Variants in PTPRN2 observed in about 807,000 individuals in gnomAD.
PTPRN2 encodes receptor-type tyrosine-protein phosphatase N2.
A neutral mutation model predicts 118.8 loss-of-function variants in PTPRN2; 74 were observed. The observed-to-expected ratio is 0.62, with a 90% confidence interval of 0.52 to 0.76. The LOEUF (loss-of-function observed/expected upper bound fraction) is 0.76, where lower values mean the gene tolerates loss of function less well. PTPRN2 is among the 30% of genes least tolerant of loss of function. The pLI, the probability that PTPRN2 is intolerant of heterozygous loss-of-function variation, is 0.00. For synonymous variants in PTPRN2, 641 were observed against 608.0 expected (o/e 1.05, Z -0.80); for missense variants, 1,481 against 1,394.4 (o/e 1.06, Z -0.99).
chr7:157,968,826 C>T (rs754468059), intron 11 of PTPRN2, among the ~76,000 whole-genome samples: 32 of 152,100 alleles, frequency 2.1e-4, no homozygotes, highest in Non-Finnish European at 4.3e-4. Flanking sequence ...AGAAAAAAAT[C>T]CCGTTGATCC....
At chr7:157,544,625 C>T (rs776633336) in intron 22 of PTPRN2, among the ~76,000 whole-genome samples, 10 of 152,200 alleles carry the variant, frequency 6.6e-5, no homozygotes, top group Non-Finnish European at 1.5e-4. Context: ...GGCTCTACTT[C>T]TGGAACTGAC....
chr7:158,032,604 C>A (rs1339734182), intron 11 of PTPRN2, among the ~76,000 whole-genome samples: 1 of 152,102 alleles, frequency 6.6e-6, no homozygotes, highest in African/African-American at 2.4e-5. Flanking sequence ...AGAATCTCAA[C>A]TGGGTCAATT....
At chr7:158,387,414 G>A (rs1811491257) in intron 2 of PTPRN2, among the ~76,000 whole-genome samples, 1 of 152,282 alleles carries the variant, frequency 6.6e-6, no homozygotes, top group African/African-American at 2.4e-5. Flanking sequence ...AGGCTCCAGA[G>A]AGCTGGAAGG....
intron 4 of PTPRN2, 66 bp downstream of exon 4, chr7:158,205,101 CAAAT>C (rs1338282888): frequency 5.5e-6 from 7 of 1,280,380 alleles, no homozygotes; most frequent in South Asian, 3.7e-5. Flanking sequence ...AACAAACAAA[CAAAT>C]AATAAGTGTA....
intron 11 of PTPRN2, among the ~76,000 whole-genome samples, chr7:157,927,839 A>G (rs1799115444): frequency 6.6e-6 from 1 of 151,948 alleles, no homozygotes; most frequent in Non-Finnish European, 1.5e-5. Flanking sequence ...GCAGACTGGG[A>G]TGTTTACGAG....
intron 1 of PTPRN2, among the ~76,000 whole-genome samples, chr7:158,501,954 C>T (rs1221163738): frequency 6.6e-6 from 1 of 152,148 alleles, no homozygotes; most frequent in Non-Finnish European, 1.5e-5. Flanking sequence ...CTGCGATGTC[C>T]GAACTGCCTT....
At chr7:157,581,112 C>T (rs1299941550) in intron 17 of PTPRN2, among the ~76,000 whole-genome samples, 2 of 150,454 alleles carry the variant, frequency 1.3e-5, no homozygotes, top group Non-Finnish European at 3.0e-5. Flanking sequence ...CCTGCACACC[C>T]GAGCACCTGG....
rs1026846700 is a variant in PTPRN2, at chr7:157,617,346, G to T, written c.2344+4016C>A. On this transcript the variant is annotated intron_variant, in intron 15 of 22. Transcript: ENST00000389418. The surrounding 1 kb of genome is among the most constrained non-coding windows in gnomAD (Gnocchi z 7.5). ...GCTCACGATGCCCCAGTGATGCCGT[G>T]GTTAGGACGCCGTTCACGCAGCTGC... 1.3e-5 allele frequency: 2 copies of T among 149,668 alleles called. No individual in the cohort carries two copies. Among genetic ancestry groups the T allele is most frequent in the Non-Finnish European group, 3.0e-5 (2 of 67,578 alleles). The allele number at this position is 149,668 out of a possible 1,614,324, so 9.3% of individuals were successfully genotyped here.
At chr7:157,650,058 C>A (rs1805541450) in intron 14 of PTPRN2, among the ~76,000 whole-genome samples, 1 of 152,242 alleles carries the variant, frequency 6.6e-6, no homozygotes, top group African/African-American at 2.4e-5. Flanking sequence ...GCTCCCCAGG[C>A]CCGCAGGAGT....
At chr7:158,263,021 GCA>G (rs150740428) in intron 3 of PTPRN2, among the ~76,000 whole-genome samples, 3,483 of 139,724 alleles carry the variant, frequency 0.025, 56 homozygotes, top group Non-Finnish European at 0.036. Context: ...CACACACAGT[GCA>G]CACATACATA....
intron 1 of PTPRN2, among the ~76,000 whole-genome samples, chr7:158,507,274 G>A (rs1822817723): frequency 6.7e-6 from 1 of 149,968 alleles, no homozygotes; most frequent in Non-Finnish European, 1.5e-5. Flanking sequence ...TAGCGCTGCA[G>A]TGTGCAGGAG....
chr7:158,243,152 A>C (rs1374761723), intron 3 of PTPRN2, among the ~76,000 whole-genome samples: 1 of 152,218 alleles, frequency 6.6e-6, no homozygotes, highest in Non-Finnish European at 1.5e-5. Context: ...CTGGAGTGAG[A>C]AGATTCCAGC....
intron 5 of PTPRN2, among the ~76,000 whole-genome samples, chr7:158,169,505 T>C (rs1823343564): frequency 6.6e-6 from 1 of 151,434 alleles, no homozygotes; most frequent in Non-Finnish European, 1.5e-5. Context: ...GGTCTCAAAC[T>C]CCTGGCCTCA....
At chr7:158,267,083 AC>A (rs1428928031) in intron 3 of PTPRN2, among the ~76,000 whole-genome samples, 1 of 152,156 alleles carries the variant, frequency 6.6e-6, no homozygotes, top group African/African-American at 2.4e-5. Context: ...ACAGCCCCAC[AC>A]CCGCGGCAGG....
At chr7:158,370,392 T>TA (rs1171592850) in intron 2 of PTPRN2, among the ~76,000 whole-genome samples, 1 of 151,392 alleles carries the variant, frequency 6.6e-6, no homozygotes, top group Non-Finnish European at 1.5e-5. Context: ...GCCGAGATTG[T>TA]ACCACTGCAC....
At position 158,529,707 on chromosome 7, in the gene PTPRN2, A is replaced by G. The variant is rs1310949309; in HGVS notation, c.113-39922T>C. ...TCACCACACCTGGGCTGTGTCCACCAGCCCCAGGGGCTGTGGGGAGGGGCG... is the reference window on the plus strand; with the variant it reads ...TCACCACACCTGGGCTGTGTCCACCGGCCCCAGGGGCTGTGGGGAGGGGCG... On this transcript the variant is annotated intron_variant, in intron 1 of 22. Coordinates refer to ENST00000389418, the MANE Select transcript of PTPRN2 (RefSeq NM_002847.5). This position sits in a 1 kb window ranked among gnomAD's most constrained non-coding sequence, Gnocchi z 4.7. Among the ~76,000 whole-genome samples the G allele has an allele frequency of 6.6e-6, 1 of 152,114 alleles. No homozygotes were observed. Among genetic ancestry groups the G allele is most frequent in the Non-Finnish European group, 1.5e-5 (1 of 68,018 alleles).
At chr7:158,159,805 G>A (rs1368824489) in intron 6 of PTPRN2, among the ~76,000 whole-genome samples, 2 of 152,206 alleles carry the variant, frequency 1.3e-5, no homozygotes, top group East Asian at 1.9e-4. Flanking sequence ...CTACAGCACT[G>A]ATGAAAGAAA....
chr7:157,577,563 G>A (rs534238930), intron 18 of PTPRN2, among the ~76,000 whole-genome samples: 1 of 152,208 alleles, frequency 6.6e-6, no homozygotes, highest in South Asian at 2.1e-4. Context: ...GCAGAGCCAC[G>A]GGGAGGCCAC....
chr7:157,935,610 A>G (rs752755182), intron 11 of PTPRN2, among the ~76,000 whole-genome samples: 1 of 152,146 alleles, frequency 6.6e-6, no homozygotes, highest in Non-Finnish European at 1.5e-5. Flanking sequence ...TGTCTGTATC[A>G]TTGGGACTTT....
Sources: allele counts gnomAD v4.1 joint callset (sites outside exome capture counted in the v4.1 genomes callset), GRCh38; gene constraint gnomAD v4.1.1; non-coding constraint Gnocchi (gnomAD v3.1); transcripts MANE v1.5; gene names NCBI Gene and HGNC (gene_info 2026-07-23, HGNC 2026-07-21).